Variants in ABCC4 observed in about 807,000 individuals in gnomAD.
ABCC4 encodes the protein ATP-binding cassette sub-family C member 4.
ABCC4 carries 102 observed loss-of-function variants against 168.5 expected under a neutral mutation model. The observed-to-expected ratio is 0.61, with a 90% confidence interval of 0.52 to 0.71. The LOEUF (loss-of-function observed/expected upper bound fraction) is 0.71. Ranked by LOEUF, ABCC4 falls within the 30% of genes least tolerant of loss-of-function variation. The probability of loss-of-function intolerance (pLI) is 0.00; values close to 1 mark genes in which losing one functional copy is unlikely to be tolerated. For synonymous variants in ABCC4, 617 were observed against 590.7 expected, an observed-to-expected ratio of 1.04 and a Z score of -0.65; for missense variants, 1,402 against 1,605.8, an observed-to-expected ratio of 0.87 and a Z score of 2.17.
chr13:95,022,878 T>C (rs2031173035), intron 30 of ABCC4, among the ~76,000 whole-genome samples: 1 of 152,232 alleles, frequency 6.6e-6, no homozygotes, highest in African/African-American at 2.4e-5. Context: ...GAAATATCAT[T>C]ACATATAACA....
chr13:95,287,555 C>G (rs991444957), intron 1 of ABCC4, among the ~76,000 whole-genome samples: 2 of 152,020 alleles, frequency 1.3e-5, no homozygotes, highest in Non-Finnish European at 2.9e-5. Flanking sequence ...CCATTGCACT[C>G]CAGCCTGGGT....
intron 25 of ABCC4, 44 bp from the exon 26 acceptor site, chr13:95,062,903 AAAT>A (rs2033358269): frequency 1.6e-6 from 2 of 1,286,810 alleles, no homozygotes; most frequent in African/African-American, 3.0e-5. Context: ...AAAAAGAAAA[AAAT>A]CACAGGATGC....
At chr13:95,205,259 G>A (rs1047827634) in intron 8 of ABCC4, among the ~76,000 whole-genome samples, 2 of 152,096 alleles carry the variant, frequency 1.3e-5, no homozygotes, top group African/African-American at 2.4e-5. Flanking sequence ...GGGTAACACA[G>A]CAAGATCTCA....
chr13:95,173,233 C>T (rs1353820490), intron 13 of ABCC4, among the ~76,000 whole-genome samples: 2 of 152,220 alleles, frequency 1.3e-5, no homozygotes, highest in Non-Finnish European at 2.9e-5. Context: ...ATGAGACTAT[C>T]TGGGGGAAGC....
intron 1 of ABCC4, among the ~76,000 whole-genome samples, chr13:95,263,407 T>C (rs1027545611): frequency 2.6e-5 from 4 of 152,166 alleles, no homozygotes; most frequent in Admixed American, 6.5e-5. Context: ...TATATGTATA[T>C]GTGTGTGTAT....
chr13:95,240,160 G>A (rs9590211), intron 3 of ABCC4, among the ~76,000 whole-genome samples: 37,149 of 152,114 alleles, frequency 0.24, 4,877 homozygotes, highest in Non-Finnish European at 0.29. Flanking sequence ...GATGTAGAGG[G>A]TCACAAGAGG....
chr13:95,200,250 C>G (rs937880280), intron 8 of ABCC4, among the ~76,000 whole-genome samples: 1 of 152,154 alleles, frequency 6.6e-6, no homozygotes, highest in Non-Finnish European at 1.5e-5. Context: ...CCCCCAAAAG[C>G]CTAGCATAGA....
intron 19 of ABCC4, among the ~76,000 whole-genome samples, chr13:95,141,219 G>A (rs941905255): frequency 1.3e-5 from 2 of 152,320 alleles, no homozygotes; most frequent in African/African-American, 4.8e-5. Flanking sequence ...ACAAGTCGGA[G>A]GCAAAGGCAA....
At chr13:95,222,471 G>A (rs951632727) in intron 4 of ABCC4, among the ~76,000 whole-genome samples, 13 of 152,208 alleles carry the variant, frequency 8.5e-5, no homozygotes, top group African/African-American at 3.1e-4. Flanking sequence ...AAAGCCACTG[G>A]CATCTGCATG....
chr13:95,113,459 T>C (rs1026275703), intron 20 of ABCC4, among the ~76,000 whole-genome samples: 1 of 152,132 alleles, frequency 6.6e-6, no homozygotes, highest in Admixed American at 6.6e-5. Flanking sequence ...TTAGTTTTCA[T>C]TCTATGTGCT....
chr13:95,078,284 C>T (rs1482137658), intron 21 of ABCC4, among the ~76,000 whole-genome samples: 2 of 152,008 alleles, frequency 1.3e-5, no homozygotes, highest in Admixed American at 6.6e-5. Flanking sequence ...TGGTGGCGGG[C>T]GCCTGTAGTC....
intron 4 of ABCC4, among the ~76,000 whole-genome samples, chr13:95,222,057 A>G (rs1177757275): frequency 2.6e-5 from 4 of 152,218 alleles, no homozygotes. Flanking sequence ...GTTTTTGTTA[A>G]GCACACAGGT....
In ABCC4 at chr13:95,200,982, G is replaced by A. The variant is rs2038608469; in HGVS notation, c.1161+5550C>T. On this transcript the variant is annotated intron_variant, in intron 8 of 30. Coordinates refer to ENST00000645237, the MANE Select transcript of ABCC4 (RefSeq NM_005845.5). ...ACCACCATGAAGGAGTTTACCATAC[G>A]AGCGCCAACGCTTTCTTACCAGTCA... 2.0e-5 allele frequency among the ~76,000 whole-genome samples: 3 copies of A among 152,126 alleles called. No homozygotes were observed. In the South Asian group the frequency reaches 6.2e-4, roughly 32 times the overall value.
chr13:95,065,414 G>T (rs148587256), intron 25 of ABCC4, among the ~76,000 whole-genome samples: 37 of 152,328 alleles, frequency 2.4e-4, no homozygotes, highest in African/African-American at 8.7e-4. Context: ...GAACTTGAGT[G>T]TGAGTTATCT....
intron 26 of ABCC4, among the ~76,000 whole-genome samples, chr13:95,054,812 T>C (rs1368365743): frequency 2.6e-5 from 4 of 152,084 alleles, no homozygotes; most frequent in Admixed American, 2.0e-4. Context: ...AGAAGAGAGA[T>C]AAAGGTGGTA....
At chr13:95,056,099 G>A (rs890501934) in intron 26 of ABCC4, among the ~76,000 whole-genome samples, 22 of 152,138 alleles carry the variant, frequency 1.4e-4, no homozygotes, top group Admixed American at 1.1e-3. Context: ...CACTTAAAAC[G>A]ACCTGGGACC....
intron 26 of ABCC4, among the ~76,000 whole-genome samples, chr13:95,061,691 T>G: frequency 7.9e-6 from 1 of 127,206 alleles, no homozygotes; most frequent in Non-Finnish European, 1.7e-5. Context: ...AAACCCACAT[T>G]AAAAGAAAAC....
chr13:95,246,525 G>C (rs747129655), intron 3 of ABCC4, among the ~76,000 whole-genome samples: 18 of 152,168 alleles, frequency 1.2e-4, no homozygotes, highest in Non-Finnish European at 2.6e-4. Flanking sequence ...ACAATTATTT[G>C]TTGAGCACCT....
chr13:95,049,970 G>GTTTTGTTTTGTT (rs2032761499), intron 27 of ABCC4, among the ~76,000 whole-genome samples: 2 of 152,078 alleles, frequency 1.3e-5, no homozygotes, highest in African/African-American at 2.4e-5. Flanking sequence ...TTTTTTGTCT[G>GTTTTGTTTTGTT]CTTTAAAGGG....
Sources: gnomAD v4.1 joint callset for allele counts (sites outside exome capture counted in the v4.1 genomes callset) on GRCh38, gnomAD v4.1.1 for gene constraint, MANE v1.5 for transcripts, NCBI Gene and HGNC (gene_info 2026-07-23, HGNC 2026-07-21) for gene names.